Variants in POFUT3 observed in about 807,000 individuals in gnomAD.
POFUT3 encodes GDP-fucose protein O-fucosyltransferase 3.
chr8:33,411,287 T>C, the POFUT3 span, among the ~76,000 whole-genome samples: 14 of 152,304 alleles, frequency 9.2e-5, no homozygotes, highest in African/African-American at 3.1e-4. Context: ...GTCGTTTTAA[T>C]CCACAGCACA....
chr8:33,384,031 T>C, the POFUT3 span, among the ~76,000 whole-genome samples: 1 of 151,484 alleles, frequency 6.6e-6, no homozygotes, highest in African/African-American at 2.4e-5. Context: ...TGCAGCTGCC[T>C]TGCTGAAACT....
chr8:33,397,943 A>C, the POFUT3 span, among the ~76,000 whole-genome samples: 1 of 152,244 alleles, frequency 6.6e-6, no homozygotes, highest in East Asian at 1.9e-4. Context: ...GGTTTTACTG[A>C]GTCCTATTAT....
the POFUT3 span, chr8:33,461,842 T>C: frequency 8.0e-6 from 3 of 376,434 alleles, no homozygotes; most frequent in South Asian, 4.3e-5. Flanking sequence ...TGAGATCATG[T>C]AGTCCTAGTA....
the POFUT3 span, among the ~76,000 whole-genome samples, chr8:33,376,387 C>T: frequency 6.6e-6 from 1 of 151,944 alleles, no homozygotes; most frequent in East Asian, 1.9e-4. Flanking sequence ...TTTAAAACTC[C>T]CATAGGAAAT....
At chr8:33,363,964 C>T in the POFUT3 span, among the ~76,000 whole-genome samples, 1 of 152,012 alleles carries the variant, frequency 6.6e-6, no homozygotes, top group Non-Finnish European at 1.5e-5. Context: ...AGAGACACAA[C>T]AAAAAAAGAA....
the POFUT3 span, among the ~76,000 whole-genome samples, chr8:33,445,790 C>A: frequency 6.6e-6 from 1 of 152,208 alleles, no homozygotes; most frequent in Non-Finnish European, 1.5e-5. Context: ...TGCTGGGAAG[C>A]TGTCCCATAT....
the POFUT3 span, among the ~76,000 whole-genome samples, chr8:33,323,376 G>T: frequency 6.6e-6 from 1 of 152,186 alleles, no homozygotes; most frequent in Non-Finnish European, 1.5e-5. Context: ...AATCTGCAGG[G>T]TGCATGAAGC....
chr8:33,373,949 G>A, the POFUT3 span, among the ~76,000 whole-genome samples: 2 of 152,278 alleles, frequency 1.3e-5, no homozygotes, highest in African/African-American at 4.8e-5. Context: ...CCAGTTATAC[G>A]TTATGTTGGT....
At chr8:33,346,051 C>T in the POFUT3 span, among the ~76,000 whole-genome samples, 1 of 151,582 alleles carries the variant, frequency 6.6e-6, no homozygotes, top group Non-Finnish European at 1.5e-5. Context: ...TCTTGAACGC[C>T]CATCTTCAGG....
At chr8:33,383,466 T>C in the POFUT3 span, among the ~76,000 whole-genome samples, 3 of 152,114 alleles carry the variant, frequency 2.0e-5, no homozygotes, top group Admixed American at 2.0e-4. Flanking sequence ...ATAGCTTATA[T>C]ACCAAGAGAA....
chr8:33,420,532 A>T, the POFUT3 span, among the ~76,000 whole-genome samples: 1 of 152,204 alleles, frequency 6.6e-6, no homozygotes, highest in Non-Finnish European at 1.5e-5. Context: ...AAATTGCCAA[A>T]ATGAAAAGTT....
the POFUT3 span, among the ~76,000 whole-genome samples, chr8:33,466,084 C>T: frequency 6.6e-6 from 1 of 151,996 alleles, no homozygotes; most frequent in African/African-American, 2.4e-5. Flanking sequence ...AGGCTATCTT[C>T]CCAAAGCCAG....
chr8:33,411,069 T>C, the POFUT3 span, among the ~76,000 whole-genome samples: 1 of 151,958 alleles, frequency 6.6e-6, no homozygotes, highest in Non-Finnish European at 1.5e-5. Flanking sequence ...TGAAAATAAA[T>C]CCTCCCCCAG....
At chr8:33,401,265 C>A in the POFUT3 span, among the ~76,000 whole-genome samples, 1 of 152,118 alleles carries the variant, frequency 6.6e-6, no homozygotes, top group South Asian at 2.1e-4. Context: ...GGATCACAGG[C>A]ATGAGCCACT....
At chr8:33,415,788 G>A in the POFUT3 span, among the ~76,000 whole-genome samples, 1 of 152,156 alleles carries the variant, frequency 6.6e-6, no homozygotes, top group East Asian at 1.9e-4. Context: ...TTCAGAAACT[G>A]AGCAGCCCAC....
chr8:33,435,152 G>A, the POFUT3 span, among the ~76,000 whole-genome samples: 2 of 151,716 alleles, frequency 1.3e-5, no homozygotes, highest in East Asian at 3.9e-4. Flanking sequence ...CCATCTACAT[G>A]CTTTTTTCTT....
chr8:33,308,706 C>A, the POFUT3 span, among the ~76,000 whole-genome samples: 1 of 152,084 alleles, frequency 6.6e-6, no homozygotes. Flanking sequence ...TAATGAAAAA[C>A]AATAGACAGT....
At chr8:33,457,504 C>G in the POFUT3 span, among the ~76,000 whole-genome samples, 1 of 151,950 alleles carries the variant, frequency 6.6e-6, no homozygotes, top group Non-Finnish European at 1.5e-5. Flanking sequence ...TCAAAAAAAA[C>G]CCCAACTCAT....
At chr8:33,470,748 TGAG>T in the POFUT3 span, among the ~76,000 whole-genome samples, 1 of 152,194 alleles carries the variant, frequency 6.6e-6, no homozygotes, top group Admixed American at 6.5e-5. Context: ...TATTCATGAA[TGAG>T]GAGCTGGTTC....
Sources: gnomAD v4.1 joint callset for allele counts (sites outside exome capture counted in the v4.1 genomes callset) on GRCh38, gnomAD v4.1.1 for gene constraint, MANE v1.5 for transcripts, NCBI Gene and HGNC (gene_info 2026-07-23, HGNC 2026-07-21) for gene names.